Variants in HTT observed in about 807,000 individuals in gnomAD.
HTT encodes huntingtin.
Under a neutral mutation model 362.3 loss-of-function variants are expected in HTT, and 104 were observed. That is an observed-to-expected ratio of 0.29 (90% confidence interval 0.24 to 0.34). The LOEUF is 0.34. Among genes scored for constraint, HTT ranks in the 10% least tolerant of loss-of-function variants. The pLI, the probability that HTT is intolerant of heterozygous loss-of-function variation, is 1.00. For synonymous variants in HTT, 1,577 were observed against 1,548.7 expected, an observed-to-expected ratio of 1.02 and a Z score of -0.43; for missense variants, 3,301 against 3,928.6, an observed-to-expected ratio of 0.84 and a Z score of 4.27.
chr4:3,121,160 C>A (rs762184605), intron 8 of HTT, 68 bp from the exon 9 acceptor site: 2 of 1,215,638 alleles, frequency 1.6e-6, no homozygotes, highest in African/African-American at 1.5e-5. Flanking sequence ...TTAAAAACAA[C>A]AAAAAAGTGA....
chr4:3,241,169 G>A lies in HTT; in HGVS notation c.*1110G>A, dbSNP rs1217133278. On this transcript the variant is annotated 3_prime_UTR_variant, in exon 67 of 67. Transcript: ENST00000355072. ...ATGCATGCCCTAAGAGTGTCACTGA[G>A]CTGTGTTTTGTCTGAGCCTCTCTCG... The A allele has an allele frequency of 6.6e-6, 1 of 152,318 alleles. No homozygotes were observed. The highest frequency in any genetic ancestry group is 1.5e-5 in the Non-Finnish European group (1 of 68,100). The allele number at this position is 152,318 out of a possible 1,614,324, so 9.4% of individuals were successfully genotyped here.
chr4:3,077,599 T>A (rs912614374), intron 1 of HTT, among the ~76,000 whole-genome samples: 2 of 152,078 alleles, frequency 1.3e-5, no homozygotes, highest in Non-Finnish European at 2.9e-5. Flanking sequence ...TTTGTATTTT[T>A]AGTAGAGATG....
intron 1 of HTT, among the ~76,000 whole-genome samples, chr4:3,079,400 G>T (rs938148995): frequency 1.3e-5 from 2 of 152,070 alleles, no homozygotes; most frequent in Non-Finnish European, 2.9e-5. Flanking sequence ...GGGACTATAG[G>T]TGTGAGCCAT....
intron 26 of HTT, among the ~76,000 whole-genome samples, chr4:3,153,583 T>TA (rs1717003673): frequency 6.6e-6 from 1 of 152,226 alleles, no homozygotes. Flanking sequence ...TTGAATAAGT[T>TA]ACTTCATCTC....
At chr4:3,130,549 C>T (rs1363283232) in intron 14 of HTT, 126 bp downstream of exon 14, 1 of 591,358 alleles carries the variant, frequency 1.7e-6, no homozygotes, top group Non-Finnish European at 3.1e-6. Flanking sequence ...CTTTAAATAC[C>T]AGCTCTTCCC....
chr4:3,160,301 A>G lies in HTT; in HGVS notation c.3773A>G (p.Asn1258Ser), dbSNP rs373022404. 9.7e-6 allele frequency: 15 copies of G among 1,551,940 alleles called. No homozygotes were observed. The highest frequency in any genetic ancestry group is 1.3e-5 in the Non-Finnish European group (15 of 1,146,880). ...ANYKVTLDLQ[N>S]STEKFGGFLR... ...CCCAAGGTCACGCTGGATCTTCAGA[A>G]CAGCACGGAAAAGTTTGGAGGGTTT... The change falls in exon 29 of 67, where the codon AAC (asparagine) becomes AGC (serine). Residue 1258 changes from asparagine (N) to serine (S), a missense_variant. By Grantham distance (46) the Asn-to-Ser change is conservative. Around this residue, in one of 4 missense-constraint regions of HTT, gnomAD observed 2,316 missense variants for 2,658.5 expected, o/e 0.87. Transcript: ENST00000355072.
intron 29 of HTT, among the ~76,000 whole-genome samples, chr4:3,166,329 T>C (rs950068825): frequency 6.6e-6 from 1 of 152,188 alleles, no homozygotes; most frequent in Admixed American, 6.5e-5. Flanking sequence ...ATGAGGTGTT[T>C]GTTGGCCCCT....
chr4:3,188,132 TCAGGCAGGG>T (rs547978794), intron 39 of HTT: 115 of 388,642 alleles, frequency 3.0e-4, no homozygotes, highest in African/African-American at 2.1e-3. Flanking sequence ...GTGGCTCGCC[TCAGGCAGGG>T]CAGGGCAGTG....
chr4:3,093,123 G>A (rs1479775857), intron 2 of HTT, among the ~76,000 whole-genome samples: 2 of 152,186 alleles, frequency 1.3e-5, no homozygotes, highest in Non-Finnish European at 1.5e-5. Flanking sequence ...ACCCTGTCAT[G>A]TGTGTAGCTG....
Position 3,230,028 on chromosome 4 carries a change from G to C in HTT, c.8251G>C (p.Ala2751Pro). ...GGTGCCTGCCACCTGCAAGGCAGCT[G>C]CCGTCCTTGGGATGGTAAGTGACAG... is the stretch of plus-strand genomic sequence containing the variant. ...YLVPATCKAA[A>P]VLGMDKAVAE... The change falls in exon 60 of 67, where the codon GCC becomes CCC. Residue 2751 changes from alanine to proline, a missense_variant. Ala to Pro is a conservative substitution (Grantham distance 27). Transcript: ENST00000355072. The C allele has an allele frequency of 6.2e-7, 1 of 1,614,010 alleles. No homozygotes were observed. The highest frequency in any genetic ancestry group is 8.5e-7 in the Non-Finnish European group (1 of 1,179,878).
intron 44 of HTT, 52 bp downstream of exon 44, chr4:3,207,035 C>T (rs1305801470): frequency 4.6e-6 from 7 of 1,518,152 alleles, no homozygotes; most frequent in Non-Finnish European, 4.5e-6. Context: ...TTTAGCAGGC[C>T]AAGCAAAACA....
chr4:3,138,750 T>TA (rs973070985), intron 21 of HTT, among the ~76,000 whole-genome samples: 8 of 152,126 alleles, frequency 5.3e-5, no homozygotes, highest in African/African-American at 1.9e-4. Context: ...AAGCTGGAAT[T>TA]ACAGGCGAGG....
In HTT at chr4:3,228,546, GC is replaced by G; in HGVS notation, c.7849-67del. ...GGTAGGCATGTGCTGAGTCCCAGTG[GC>G]CACACCCACCCACCAGGAGCCTGGC... On this transcript the variant is annotated intron_variant, in intron 57 of 66. Transcript: ENST00000355072. The surrounding 1 kb of genome is among the most constrained non-coding windows in gnomAD (Gnocchi z 4.3). 1 of 1,498,382 alleles carries G rather than the reference GC, an allele frequency of 6.7e-7. No homozygotes were observed. The highest frequency in any genetic ancestry group is 8.9e-7 in the Non-Finnish European group (1 of 1,121,240). 92.8% of individuals were successfully genotyped at this position (1,498,382 alleles called of 1,614,324 possible).
At chr4:3,121,118 G>A in intron 8 of HTT, 110 bp from the exon 9 acceptor site, 1 of 676,226 alleles carries the variant, frequency 1.5e-6, no homozygotes, top group Non-Finnish European at 2.6e-6. Context: ...AGGGGGAGAA[G>A]TTAAGGTATA....
chr4:3,128,720 A>G (rs1011153806), intron 12 of HTT: 1 of 152,242 alleles, frequency 6.6e-6, no homozygotes, highest in Non-Finnish European at 1.5e-5. Context: ...CTACAAGTCC[A>G]TGTTGAGTTT....
In HTT at chr4:3,240,171, C is replaced by A. The variant is rs73193321; in HGVS notation, c.*112C>A. 24 of 888,456 alleles carry A rather than the reference C, an allele frequency of 2.7e-5. No individual in the cohort carries two copies. Among genetic ancestry groups the A allele is most frequent in the Non-Finnish European group, 4.1e-5 (24 of 579,152 alleles). The allele number at this position is 888,456 out of a possible 1,614,324, so 55.0% of individuals were successfully genotyped here. On this transcript the variant is annotated 3_prime_UTR_variant, in exon 67 of 67. Coordinates refer to ENST00000355072, the MANE Select transcript of HTT (RefSeq NM_001388492.1). Reference sequence around the variant, plus strand: ...AGCTTGGTCCCTATGGGCTTCCGCACATGCCGCGGGCGGCCAGGCAACGTG... The same window carrying A: ...AGCTTGGTCCCTATGGGCTTCCGCAAATGCCGCGGGCGGCCAGGCAACGTG...
rs547277868 is a variant in HTT at position 3,196,667 on chromosome 4, G to A, written c.5369-3065G>A. 4.5e-4 allele frequency among the ~76,000 whole-genome samples: 68 copies of A among 152,040 alleles called. 1 individual carries two copies. The South Asian group carries it at 0.014, about 32-fold the overall frequency. On this transcript the variant is annotated intron_variant, in intron 40 of 66. Coordinates refer to ENST00000355072, the MANE Select transcript of HTT (RefSeq NM_001388492.1). ...ACAGGAGGATCAATTGAGCCCCGGA[G>A]GCCAAAGCTACAGTGGGCTGTGATC...
chr4:3,210,055 G>T, intron 47 of HTT, 106 bp downstream of exon 47: 1 of 1,410,286 alleles, frequency 7.1e-7, no homozygotes. Flanking sequence ...CACATGTTGG[G>T]GACTCCAGTC....
At chr4:3,107,187 G>C (rs774026786) in intron 5 of HTT, 98 bp from the exon 6 acceptor site, 12 of 1,261,084 alleles carry the variant, frequency 9.5e-6, no homozygotes, top group Non-Finnish European at 9.0e-6. Context: ...AGGGACTGTT[G>C]GAATATAAAA....
Sources: gnomAD v4.1 joint callset for allele counts (sites outside exome capture counted in the v4.1 genomes callset) on GRCh38, gnomAD v4.1.1 for gene constraint, gnomAD v4.1.1 regional missense constraint, Gnocchi (gnomAD v3.1) non-coding constraint, MANE v1.5 for transcripts, NCBI Gene and HGNC (gene_info 2026-07-23, HGNC 2026-07-21) for gene names.